The following GNAS variants were observed in gnomAD, a reference collection of about 807,000 sequenced individuals.
GNAS encodes the protein protein ALEX.
Under a neutral mutation model 54.5 loss-of-function variants are expected in GNAS, and 8 were observed. That is an observed-to-expected ratio of 0.15 (90% confidence interval 0.09 to 0.26). GNAS has a LOEUF of 0.26. GNAS is among the 10% of genes least tolerant of loss of function. The pLI, the probability that GNAS is intolerant of heterozygous loss-of-function variation, is 1.00. For missense variants in GNAS, 170 were observed against 529.8 expected (o/e 0.32, Z 6.67); for synonymous variants, 204 against 191.4 (o/e 1.07, Z -0.54).
chr20:58,902,703 G>A (rs2090731858), intron 3 of GNAS, among the ~76,000 whole-genome samples: 2 of 145,712 alleles, frequency 1.4e-5, no homozygotes, highest in African/African-American at 2.6e-5. Flanking sequence ...TAGCTGCAGT[G>A]CCTGGAGCAT....
At chr20:58,889,778 C>T (rs1468406846), upstream of GNAS, among the ~76,000 whole-genome samples, 2 of 111,384 alleles carry the variant, frequency 1.8e-5, no homozygotes, top group Non-Finnish European at 3.4e-5. Context: ...CGCAGCCAAG[C>T]CCCCCGACAC....
chr20:58,865,911 A>G (rs917476644), intron 1 of GNAS, among the ~76,000 whole-genome samples: 1 of 152,190 alleles, frequency 6.6e-6, no homozygotes, highest in Non-Finnish European at 1.5e-5. Flanking sequence ...CCCTTAAATG[A>G]TCACATCTTC....
chr20:58,860,785 C>T (rs769932267), intron 1 of GNAS, among the ~76,000 whole-genome samples: 5 of 152,072 alleles, frequency 3.3e-5, no homozygotes, highest in Non-Finnish European at 7.4e-5. Context: ...CTCAGCCTCT[C>T]GAATAGCTGG....
At chr20:58,874,514 T>C (rs770674927) in intron 1 of GNAS, among the ~76,000 whole-genome samples, 16 of 152,274 alleles carry the variant, frequency 1.1e-4, no homozygotes, top group Non-Finnish European at 5.9e-5. Flanking sequence ...GCTTTCACCT[T>C]AGTGCTTTCA....
At chr20:58,842,062 G>A in intron 1 of GNAS, 1 of 456,612 alleles carries the variant, frequency 2.2e-6, no homozygotes. Flanking sequence ...CTTGGGGAGG[G>A]GAGGCGAGGC....
chr20:58,861,239 T>C (rs1299017596), intron 1 of GNAS, among the ~76,000 whole-genome samples: 1 of 152,200 alleles, frequency 6.6e-6, no homozygotes. Context: ...ACTCACGCCA[T>C]TTGCCCATTT....
intron 1 of GNAS, chr20:58,855,359 G>T: frequency 1.3e-6 from 2 of 1,551,224 alleles, no homozygotes. Context: ...CTGCCTGCGG[G>T]CAGCAGGGCC....
chr20:58,910,467 CTTAAT>C lies in GNAS; in HGVS notation c.1038+68_1038+72del. The C allele has an allele frequency of 7.4e-7, 1 of 1,344,844 alleles. No homozygotes were observed. Among genetic ancestry groups the C allele is most frequent in the Non-Finnish European group, 1.1e-6 (1 of 935,650 alleles). 83.3% of individuals were successfully genotyped at this position (1,344,844 alleles called of 1,614,324 possible). ...TCTTTTTCTCATGGATGTAAATTTA[CTTAAT>C]TCCAAATTCAGGGGTTCAGCTACCC... is the stretch of plus-strand genomic sequence containing the variant. On this transcript the variant is annotated intron_variant, in intron 12 of 12. Coordinates refer to ENST00000371085, the MANE Select transcript of GNAS (RefSeq NM_000516.7). The surrounding 1 kb of genome is among the most constrained non-coding windows in gnomAD (Gnocchi z 5.8).
At position 58,855,439 on chromosome 20, in the gene GNAS, G is replaced by T. The variant is rs2086436888; in HGVS notation, c.43+14553G>T. ...AGGGGCTCCGCAGTGGGAGGAGGGGGTCCAGCCAAAGGCGGGAAGAACTTG... is the reference window on the plus strand; with the variant it reads ...AGGGGCTCCGCAGTGGGAGGAGGGGTTCCAGCCAAAGGCGGGAAGAACTTG... On this transcript the variant is annotated intron_variant, in intron 1 of 12. Transcript: ENST00000306090. The T allele has an allele frequency of 3.9e-6, 4 of 1,031,718 alleles. No individual in the cohort carries two copies. In the East Asian group the frequency reaches 7.8e-5, roughly 20 times the overall value. 63.9% of individuals were successfully genotyped at this position (1,031,718 alleles called of 1,614,324 possible). A position where few individuals can be genotyped will look rare whatever the true frequency, so the allele number is the denominator to read the frequency against.
At chr20:58,896,330 C>T (rs778487469) in intron 2 of GNAS, among the ~76,000 whole-genome samples, 1 of 151,890 alleles carries the variant, frequency 6.6e-6, no homozygotes, top group South Asian at 2.1e-4. Flanking sequence ...GAAGAGGGAA[C>T]ATTTATTTAA....
At chr20:58,876,747 C>A (rs1007436035) in intron 1 of GNAS, 4 of 152,188 alleles carry the variant, frequency 2.6e-5, no homozygotes, top group African/African-American at 9.7e-5. Flanking sequence ...TCCTCCTGAC[C>A]CTTAGCTAAG....
At chr20:58,847,038 G>C (rs1281843922) in intron 1 of GNAS, among the ~76,000 whole-genome samples, 1 of 152,150 alleles carries the variant, frequency 6.6e-6, no homozygotes, top group Non-Finnish European at 1.5e-5. Context: ...AGCTAGTCTG[G>C]AGAAGGAATC....
chr20:58,893,299 C>T (rs951068256), intron 1 of GNAS, among the ~76,000 whole-genome samples: 2 of 151,768 alleles, frequency 1.3e-5, no homozygotes, highest in Non-Finnish European at 2.9e-5. Flanking sequence ...ATGGCCTTTC[C>T]TCCTTTTTTT....
chr20:58,854,845 A>T (rs746760308), intron 1 of GNAS: 2 of 1,597,166 alleles, frequency 1.3e-6, no homozygotes, highest in South Asian at 2.2e-5. Flanking sequence ...CGCAAGATCC[A>T]TCTCAGACCC....
chr20:58,868,301 G>A (rs1033572674), intron 1 of GNAS, among the ~76,000 whole-genome samples: 1 of 152,124 alleles, frequency 6.6e-6, no homozygotes, highest in African/African-American at 2.4e-5. Context: ...TTACAGGCGT[G>A]AGCCACCGTG....
At chr20:58,893,173 T>A (rs1232936612) in intron 1 of GNAS, among the ~76,000 whole-genome samples, 2 of 150,986 alleles carry the variant, frequency 1.3e-5, no homozygotes, top group African/African-American at 4.9e-5. Context: ...AGACATTAAT[T>A]AGTTGTTTAT....
intron 2 of GNAS, chr20:58,897,425 C>A (rs1235798233): frequency 2.0e-5 from 3 of 152,132 alleles, no homozygotes; most frequent in Non-Finnish European, 2.9e-5. Context: ...ACCATGTATC[C>A]TCTAGATAAA....
intron 1 of GNAS, among the ~76,000 whole-genome samples, chr20:58,872,693 G>A (rs1236514865): frequency 6.6e-6 from 1 of 152,030 alleles, no homozygotes; most frequent in Non-Finnish European, 1.5e-5. Context: ...GAAAAGGGGG[G>A]AATTCAGCCA....
At chr20:58,901,797 A>G (rs571627592) in intron 3 of GNAS, among the ~76,000 whole-genome samples, 5 of 151,530 alleles carry the variant, frequency 3.3e-5, no homozygotes, top group Non-Finnish European at 7.4e-5. Flanking sequence ...TGATTTGTGG[A>G]AGGCCTGTCG....
Sources: allele counts gnomAD v4.1 joint callset (sites outside exome capture counted in the v4.1 genomes callset), GRCh38; gene constraint gnomAD v4.1.1; non-coding constraint Gnocchi (gnomAD v3.1); transcripts MANE v1.5; gene names NCBI Gene and HGNC (gene_info 2026-07-23, HGNC 2026-07-21).